Variants in TLK2 observed in about 807,000 individuals in gnomAD.
TLK2 encodes the protein serine/threonine-protein kinase tousled-like 2.
TLK2 carries 6 observed loss-of-function variants against 117.3 expected under a neutral mutation model. The ratio of observed to expected loss-of-function variants is 0.05; its 90% CI spans 0.03 to 0.10. TLK2 has a LOEUF of 0.10. TLK2 is among the 10% of genes least tolerant of loss of function. TLK2 has a pLI of 1.00. For missense variants in TLK2, 299 were observed against 901.2 expected (o/e 0.33, Z 8.56); for synonymous variants, 257 against 316.7 (o/e 0.81, Z 2.00).
chr17:62,564,658 A>C (rs2079596286), intron 10 of TLK2, among the ~76,000 whole-genome samples: 2 of 151,930 alleles, frequency 1.3e-5, no homozygotes, highest in African/African-American at 4.8e-5. Context: ...CAGTGAGCCG[A>C]GATCATGACT....
At chr17:62,579,771 G>A (rs1339094097) in intron 14 of TLK2, among the ~76,000 whole-genome samples, 3 of 152,170 alleles carry the variant, frequency 2.0e-5, no homozygotes, top group Non-Finnish European at 4.4e-5. Context: ...TGAATAGTTT[G>A]GAGGAGCCAA....
At chr17:62,552,467 T>C in intron 8 of TLK2, 70 bp downstream of exon 8, 5 of 1,604,532 alleles carry the variant, frequency 3.1e-6, no homozygotes, top group Non-Finnish European at 4.3e-6. Flanking sequence ...ACCTGTGTAG[T>C]CTGTCATTCT....
At chr17:62,523,237 A>T in intron 5 of TLK2, 60 bp downstream of exon 5, 1 of 1,566,274 alleles carries the variant, frequency 6.4e-7, no homozygotes, top group Non-Finnish European at 8.6e-7. Context: ...CTCTATAGTG[A>T]TTTTTTTTAA....
intron 2 of TLK2, among the ~76,000 whole-genome samples, chr17:62,484,029 G>A (rs2072023115): frequency 6.6e-6 from 1 of 151,878 alleles, no homozygotes; most frequent in Non-Finnish European, 1.5e-5. Context: ...TCACCATATT[G>A]GCCAGGCTGA....
chr17:62,535,646 G>A (rs2077058837), intron 6 of TLK2, among the ~76,000 whole-genome samples: 1 of 151,994 alleles, frequency 6.6e-6, no homozygotes, highest in African/African-American at 2.4e-5. Flanking sequence ...GCAGGCACCT[G>A]TAATCCCAGC....
chr17:62,473,612 G>A (rs1316424490), intron 1 of TLK2, among the ~76,000 whole-genome samples: 2 of 152,170 alleles, frequency 1.3e-5, no homozygotes, highest in African/African-American at 4.8e-5. Flanking sequence ...TGGGGGTGGG[G>A]CCCAGCAATC....
intron 1 of TLK2, among the ~76,000 whole-genome samples, chr17:62,480,705 A>C (rs2071537596): frequency 6.6e-6 from 1 of 152,198 alleles, no homozygotes; most frequent in African/African-American, 2.4e-5. Flanking sequence ...TTTTTAGTTT[A>C]AGGACTACTT....
intron 16 of TLK2, among the ~76,000 whole-genome samples, chr17:62,586,908 T>C (rs1377542921): frequency 6.6e-6 from 1 of 151,888 alleles, no homozygotes; most frequent in Non-Finnish European, 1.5e-5. Context: ...ACTTCAGTCA[T>C]TTCCTTCTAG....
At chr17:62,600,623 G>T (rs1174135800) in intron 17 of TLK2, 28 bp from the exon 18 acceptor site, 8 of 1,567,568 alleles carry the variant, frequency 5.1e-6, no homozygotes, top group Non-Finnish European at 6.9e-6. Context: ...CTTATTCCAT[G>T]GTTAAATATT....
intron 2 of TLK2, among the ~76,000 whole-genome samples, chr17:62,499,440 C>T (rs1213264104): frequency 6.6e-6 from 1 of 151,992 alleles, no homozygotes; most frequent in Non-Finnish European, 1.5e-5. Context: ...GTTGGGATTA[C>T]AGGTGTTAGG....
chr17:62,522,742 C>G (rs948351444), intron 4 of TLK2, among the ~76,000 whole-genome samples: 3 of 152,110 alleles, frequency 2.0e-5, no homozygotes, highest in African/African-American at 4.8e-5. Context: ...TGCCAAATAT[C>G]TTTATATAAT....
intron 2 of TLK2, among the ~76,000 whole-genome samples, chr17:62,517,560 A>C (rs2075703395): frequency 1.3e-5 from 2 of 151,762 alleles, no homozygotes; most frequent in South Asian, 4.2e-4. Context: ...GCACCCAGCT[A>C]ATTTTTTGTA....
chr17:62,501,890 C>T (rs1243824563), intron 2 of TLK2, among the ~76,000 whole-genome samples: 3 of 152,024 alleles, frequency 2.0e-5, no homozygotes, highest in Non-Finnish European at 4.4e-5. Context: ...TTGCCTGAAC[C>T]CAGGAGGTTG....
At chr17:62,527,899 C>T (rs1397073245) in intron 6 of TLK2, among the ~76,000 whole-genome samples, 3 of 152,084 alleles carry the variant, frequency 2.0e-5, no homozygotes, top group Non-Finnish European at 2.9e-5. Flanking sequence ...CGCGCCACCA[C>T]GCCCAGCTAA....
chr17:62,531,963 A>G, intron 6 of TLK2, among the ~76,000 whole-genome samples: 1 of 152,116 alleles, frequency 6.6e-6, no homozygotes, highest in Non-Finnish European at 1.5e-5. Context: ...AGGGTTTCCT[A>G]TTGAACCCTC....
At chr17:62,540,633 A>C (rs2077464751) in intron 7 of TLK2, among the ~76,000 whole-genome samples, 1 of 151,058 alleles carries the variant, frequency 6.6e-6, no homozygotes, top group African/African-American at 2.4e-5. Context: ...TCCTAACCTC[A>C]GGTGATCCAC....
upstream of TLK2, among the ~76,000 whole-genome samples, chr17:62,477,225 A>AC (rs1200058948): frequency 6.6e-6 from 1 of 152,164 alleles, no homozygotes; most frequent in Non-Finnish European, 1.5e-5. Context: ...TACCGCCCTA[A>AC]CAGGCAGTGG....
chr17:62,530,632 C>T (rs1269688202), intron 6 of TLK2, among the ~76,000 whole-genome samples: 2 of 152,046 alleles, frequency 1.3e-5, no homozygotes, highest in East Asian at 3.9e-4. Context: ...TTTTTTTGGT[C>T]TCATAAAATA....
intron 5 of TLK2, among the ~76,000 whole-genome samples, chr17:62,523,902 A>G (rs2076208878): frequency 6.6e-6 from 1 of 152,212 alleles, no homozygotes; most frequent in South Asian, 2.1e-4. Flanking sequence ...TAAAGACACT[A>G]ACATCCACTG....
Sources: allele counts gnomAD v4.1 joint callset (sites outside exome capture counted in the v4.1 genomes callset), GRCh38; gene constraint gnomAD v4.1.1; transcripts MANE v1.5; gene names NCBI Gene and HGNC (gene_info 2026-07-23, HGNC 2026-07-21).